The following MECOM variants were observed in gnomAD, a reference collection of about 807,000 sequenced individuals.
MECOM encodes the protein histone-lysine N-methyltransferase MECOM.
Under a neutral mutation model 116.3 loss-of-function variants are expected in MECOM, and 13 were observed. That is an observed-to-expected ratio of 0.11 (90% confidence interval 0.07 to 0.18). MECOM has a LOEUF of 0.18. Among genes scored for constraint, MECOM ranks in the 10% least tolerant of loss-of-function variants. The pLI, the probability that MECOM is intolerant of heterozygous loss-of-function variation, is 1.00. For synonymous variants in MECOM, 528 were observed against 535.2 expected (o/e 0.99, Z 0.19); for missense variants, 1,299 against 1,509.0 (o/e 0.86, Z 2.31).
At chr3:169,626,998 A>G (rs1056951826) in intron 1 of MECOM, among the ~76,000 whole-genome samples, 1 of 152,208 alleles carries the variant, frequency 6.6e-6, no homozygotes, top group African/African-American at 2.4e-5. Context: ...TGAATGTTCA[A>G]TGTGTCACTA....
chr3:169,345,358 C>A (rs1488971010), intron 2 of MECOM, among the ~76,000 whole-genome samples: 2 of 152,090 alleles, frequency 1.3e-5, no homozygotes, highest in Non-Finnish European at 2.9e-5. Flanking sequence ...AAAAAAAAGA[C>A]ATCATGGCTC....
At chr3:169,154,667 A>G (rs1208209826) in intron 2 of MECOM, among the ~76,000 whole-genome samples, 1 of 152,148 alleles carries the variant, frequency 6.6e-6, no homozygotes, top group Non-Finnish European at 1.5e-5. Flanking sequence ...GTATAAATTC[A>G]TTCCATTTTT....
rs577971723 is a variant in MECOM, at chr3:169,128,973, A to C, written c.614-913T>G. ...TGAAAACAGCTCACACTGCTAAAAAATACCCACGGCAAACAATATGACACA... is the reference window on the plus strand; with the variant it reads ...TGAAAACAGCTCACACTGCTAAAAACTACCCACGGCAAACAATATGACACA... On this transcript the variant is annotated intron_variant, in intron 4 of 16. Transcript: ENST00000651503. 2.1e-3 allele frequency among the ~76,000 whole-genome samples: 316 copies of C among 152,344 alleles called. 1 individual carries two copies. The highest frequency in any genetic ancestry group is 7.1e-3 in the African/African-American group (297 of 41,588).
intron 1 of MECOM, among the ~76,000 whole-genome samples, chr3:169,537,715 AT>A (rs1191906773): frequency 1.5e-5 from 2 of 129,210 alleles, no homozygotes; most frequent in African/African-American, 6.0e-5. Context: ...GCAGCAGAAC[AT>A]TTAAAAAAAA....
intron 1 of MECOM, among the ~76,000 whole-genome samples, chr3:169,573,750 A>G (rs2109467581): frequency 6.6e-6 from 1 of 152,298 alleles, no homozygotes; most frequent in East Asian, 1.9e-4. Flanking sequence ...ACTAATAAAA[A>G]CCATACAATT....
chr3:169,431,037 C>A (rs1385535257), intron 1 of MECOM, among the ~76,000 whole-genome samples: 1 of 152,126 alleles, frequency 6.6e-6, no homozygotes, highest in Non-Finnish European at 1.5e-5. Flanking sequence ...CTGTTTCAGT[C>A]ACTGTCTTTA....
At chr3:169,616,544 T>G (rs1049420323) in intron 1 of MECOM, among the ~76,000 whole-genome samples, 1 of 152,178 alleles carries the variant, frequency 6.6e-6, no homozygotes, top group Non-Finnish European at 1.5e-5. Context: ...GATGCCATGT[T>G]GGCGAGGCTA....
At chr3:169,454,576 C>A (rs1746171757) in intron 1 of MECOM, among the ~76,000 whole-genome samples, 1 of 151,812 alleles carries the variant, frequency 6.6e-6, no homozygotes, top group African/African-American at 2.4e-5. Flanking sequence ...ATGAAGATAC[C>A]TACCTTTAGA....
intron 2 of MECOM, among the ~76,000 whole-genome samples, chr3:169,366,781 G>T (rs1292269385): frequency 6.6e-6 from 1 of 152,062 alleles, no homozygotes; most frequent in Non-Finnish European, 1.5e-5. Context: ...CACCTGGGAA[G>T]CCTGTGAGGT....
At chr3:169,470,590 G>A (rs1384919314) in intron 1 of MECOM, among the ~76,000 whole-genome samples, 1 of 152,158 alleles carries the variant, frequency 6.6e-6, no homozygotes, top group African/African-American at 2.4e-5. Context: ...GGACAGGCAA[G>A]AGGGAAGAAA....
chr3:169,656,303 T>C (rs1431816579), intron 1 of MECOM, among the ~76,000 whole-genome samples: 1 of 152,248 alleles, frequency 6.6e-6, no homozygotes, highest in Non-Finnish European at 1.5e-5. Context: ...TTTACTAACA[T>C]AATAAAATCT....
chr3:169,256,468 A>G (rs141198565), intron 2 of MECOM, among the ~76,000 whole-genome samples: 2 of 152,318 alleles, frequency 1.3e-5, no homozygotes, highest in African/African-American at 4.8e-5. Context: ...TGTGGGATAC[A>G]CTTTCCAGCA....
intron 2 of MECOM, among the ~76,000 whole-genome samples, chr3:169,288,687 C>T (rs970468227): frequency 7.9e-5 from 12 of 152,014 alleles, no homozygotes; most frequent in South Asian, 2.1e-4. Flanking sequence ...GCTGCGTGTG[C>T]GTCTGTGTGT....
chr3:169,285,092 T>A (rs555299091), intron 2 of MECOM, among the ~76,000 whole-genome samples: 5 of 152,178 alleles, frequency 3.3e-5, no homozygotes, highest in Non-Finnish European at 5.9e-5. Context: ...GCCTTAAAAA[T>A]TTTTTTTAAC....
At chr3:169,401,469 A>G (rs527368610) in intron 1 of MECOM, among the ~76,000 whole-genome samples, 1 of 152,370 alleles carries the variant, frequency 6.6e-6, no homozygotes, top group East Asian at 1.9e-4. Context: ...GGAAACCAAA[A>G]TACCTGGCCT....
At chr3:169,322,924 G>A (rs1044431471) in intron 2 of MECOM, among the ~76,000 whole-genome samples, 32 of 32,836 alleles carry the variant, frequency 9.7e-4, no homozygotes, top group East Asian at 0.017. Context: ...CTTGAACCCG[G>A]GGGGGGCAGA....
chr3:169,636,652 G>T (rs940983895), intron 1 of MECOM, among the ~76,000 whole-genome samples: 1 of 152,174 alleles, frequency 6.6e-6, no homozygotes, highest in African/African-American at 2.4e-5. Context: ...CTGTCCCCCA[G>T]TTGACCATTA....
At chr3:169,128,108 T>C (rs775186989) in intron 4 of MECOM, 48 bp from the exon 5 acceptor site, 1 of 1,565,728 alleles carries the variant, frequency 6.4e-7, no homozygotes, top group East Asian at 2.2e-5. Flanking sequence ...GGAATTGCCA[T>C]CACAAACCAG....
intron 1 of MECOM, among the ~76,000 whole-genome samples, chr3:169,554,793 G>A (rs560510595): frequency 6.6e-6 from 1 of 152,290 alleles, no homozygotes; most frequent in East Asian, 1.9e-4. Flanking sequence ...CTGAATCTGG[G>A]CTGCAGTCCT....
Sources: allele counts gnomAD v4.1 joint callset (sites outside exome capture counted in the v4.1 genomes callset), GRCh38; gene constraint gnomAD v4.1.1; transcripts MANE v1.5; gene names NCBI Gene and HGNC (gene_info 2026-07-23, HGNC 2026-07-21).